MYO7B: variants seen among roughly 807,000 people sequenced by gnomAD.
MYO7B encodes myosin VIIB.
MYO7B carries 212 observed loss-of-function variants against 259.7 expected under a neutral mutation model. The ratio of observed to expected loss-of-function variants is 0.82; its 90% CI spans 0.73 to 0.91. The LOEUF is 0.91. MYO7B is among the 40% of genes least tolerant of loss of function. The pLI, the probability that MYO7B is intolerant of heterozygous loss-of-function variation, is 0.00. For synonymous variants in MYO7B, 1,197 were observed against 1,166.4 expected, an observed-to-expected ratio of 1.03 and a Z score of -0.54; for missense variants, 2,732 against 2,813.5, an observed-to-expected ratio of 0.97 and a Z score of 0.66.
rs1215851613 is a variant in MYO7B at position 127,581,887 on chromosome 2, C to T, written c.1081-4C>T. 33 of 1,613,628 alleles carry T rather than the reference C, an allele frequency of 2.0e-5. No individual in the cohort carries two copies. Among genetic ancestry groups the T allele is most frequent in the Non-Finnish European group, 2.7e-5 (32 of 1,179,822 alleles). On this transcript the variant is annotated splice_region_variant and splice_polypyrimidine_tract_variant and intron_variant, in intron 10 of 47. Coordinates refer to ENST00000409816, the MANE Select transcript of MYO7B (RefSeq NM_001393586.1). ...TGCGACGCAGCCCCCACCTGCCTCC[C>T]CAGGTGCAGCACCAGGAGCTCCGGG... is the stretch of plus-strand genomic sequence containing the variant.
chr2:127,606,677 C>T (rs1190868695), intron 20 of MYO7B, among the ~76,000 whole-genome samples: 2 of 152,204 alleles, frequency 1.3e-5, no homozygotes, highest in African/African-American at 4.8e-5. Context: ...TTAAGCCAAC[C>T]CGTTGGGCAG....
Position 127,582,558 on chromosome 2 carries a change from G to T in MYO7B, c.1343+112G>T, listed in dbSNP as rs1199210447. On this transcript the variant is annotated intron_variant, in intron 12 of 47. Coordinates refer to ENST00000409816, the MANE Select transcript of MYO7B (RefSeq NM_001393586.1). ...CCGTCACCCTGCACCCAGGCCTGGC[G>T]AGTCCCACCAGATCCGTGTGCTCTG... is the stretch of plus-strand genomic sequence containing the variant. 2.3e-6 allele frequency: 3 copies of T among 1,294,522 alleles called. 1 individual carries two copies. The East Asian group carries it at 7.6e-5, about 33-fold the overall frequency. The allele number at this position is 1,294,522 out of a possible 1,614,324, so 80.2% of individuals were successfully genotyped here.
chr2:127,616,882 T>C (rs1680589360), intron 26 of MYO7B, among the ~76,000 whole-genome samples: 1 of 152,212 alleles, frequency 6.6e-6, no homozygotes, highest in South Asian at 2.1e-4. Context: ...ATTTCCTTTA[T>C]TGCAATGAGG....
chr2:127,627,195 C>G lies in MYO7B; in HGVS notation c.4345C>G (p.Pro1449Ala), dbSNP rs1467154310. Reference protein sequence around the residue: ...EVITLSGPRLPKTQLILAVNW... With the variant: ...EVITLSGPRLAKTQLILAVNW... Reference sequence around the variant, plus strand: ...TCTCTCCTGGCCAGGCCCCCGCCTGCCCAAGACGCAGCTGATCTTGGCTGT... The same window carrying G: ...TCTCTCCTGGCCAGGCCCCCGCCTGGCCAAGACGCAGCTGATCTTGGCTGT... Residue 1449 changes from proline (P) to alanine (A), a missense_variant, in exon 33 of 48, where the codon CCC becomes GCC. Coordinates refer to ENST00000409816, the MANE Select transcript of MYO7B (RefSeq NM_001393586.1). The surrounding 1 kb of genome is among the most constrained non-coding windows in gnomAD (Gnocchi z 5.6). The G allele has an allele frequency of 6.2e-7, 1 of 1,609,372 alleles. No individual in the cohort carries two copies. Among genetic ancestry groups the G allele is most frequent in the East Asian group, 2.2e-5 (1 of 44,758 alleles).
intron 19 of MYO7B, among the ~76,000 whole-genome samples, 189 bp downstream of exon 19, chr2:127,596,745 A>G (rs779130660): frequency 2.6e-5 from 4 of 152,250 alleles, no homozygotes; most frequent in Non-Finnish European, 5.9e-5. Flanking sequence ...ACATTATTGG[A>G]ATGTTTGGAA....
chr2:127,634,454 C>A, intron 41 of MYO7B, 142 bp from the exon 42 acceptor site: 1 of 878,208 alleles, frequency 1.1e-6, no homozygotes, highest in Non-Finnish European at 1.8e-6. Context: ...GCAGAGCCAG[C>A]TCCACACGCC....
chr2:127,616,533 G>A (rs13386845), intron 26 of MYO7B, among the ~76,000 whole-genome samples: 23,487 of 152,168 alleles, frequency 0.15, 1,914 homozygotes, highest in Middle Eastern at 0.24. Context: ...CAACTCCTGG[G>A]GTTACAATAA....
chr2:127,637,376 A>G lies in MYO7B; in HGVS notation c.6388A>G (p.Lys2130Glu). 1.3e-6 allele frequency: 2 copies of G among 1,583,674 alleles called. No homozygotes were observed. The highest frequency in any genetic ancestry group is 1.7e-6 in the Non-Finnish European group (2 of 1,164,682). The change falls in exon 48 of 48, where the codon AAG becomes GAG. Residue 2130 changes from lysine (K) to glutamate (E), a missense_variant. Physicochemically the swap from Lys to Glu is moderately conservative, Grantham distance 56. Coordinates refer to ENST00000409816, the MANE Select transcript of MYO7B (RefSeq NM_001393586.1). Reference protein sequence around the residue: ...YVQQLLSAMNKQRGSKAPALA... With the variant: ...YVQQLLSAMNEQRGSKAPALA... ...GCAGCAGCTCCTGAGTGCCATGAAC[A>G]AGCAGCGGGGCTCCAAGGCCCCAGC...
intron 31 of MYO7B, chr2:127,626,750 G>A: frequency 2.1e-6 from 1 of 475,460 alleles, no homozygotes; most frequent in Admixed American, 3.7e-5. Flanking sequence ...CTGCACTCCA[G>A]CCTGGGTGAC....
chr2:127,599,698 C>T (rs1472947550), intron 19 of MYO7B, among the ~76,000 whole-genome samples: 1 of 152,124 alleles, frequency 6.6e-6, no homozygotes, highest in Non-Finnish European at 1.5e-5. Context: ...TCCAATATTC[C>T]TAGTTTTCTG....
rs752218389 is a variant in MYO7B at position 127,584,825 on chromosome 2, C to A, written c.1602C>A (p.Asn534Lys). Residue 534 changes from asparagine (N) to lysine (K), a missense_variant, in exon 14 of 48, where the codon AAC (asparagine) becomes AAA (lysine). Asn to Lys is a moderately conservative substitution (Grantham distance 94). Transcript: ENST00000409816. This position sits in a 1 kb window ranked among gnomAD's most constrained non-coding sequence, Gnocchi z 5.8. The part of the protein sequence containing the change: ...MLQKLNSVHA[N>K]NKAFLQPKNI... ...AAAAGCTGAACAGCGTCCATGCCAACAACAAGGCCTTCCTACAGCCCAAGA... is the reference window on the plus strand; with the variant it reads ...AAAAGCTGAACAGCGTCCATGCCAAAAACAAGGCCTTCCTACAGCCCAAGA... 4 of 1,613,982 alleles carry A rather than the reference C, an allele frequency of 2.5e-6. No homozygotes were observed. The South Asian group carries it at 3.3e-5, about 13-fold the overall frequency.
chr2:127,569,985 G>T, intron 6 of MYO7B, 75 bp downstream of exon 6: 1 of 1,500,574 alleles, frequency 6.7e-7, no homozygotes, highest in Non-Finnish European at 9.0e-7. Context: ...ACCATGGGGA[G>T]GGACAGGATA....
At position 127,577,349 on chromosome 2, in the gene MYO7B, C is replaced by T. The variant is rs1268903179; in HGVS notation, c.849+641C>T. Among the ~76,000 whole-genome samples the T allele has an allele frequency of 1.3e-5, 2 of 152,194 alleles. No homozygotes were observed. The highest frequency in any genetic ancestry group is 2.4e-5 in the African/African-American group (1 of 41,460). On this transcript the variant is annotated intron_variant, in intron 8 of 47. Transcript: ENST00000409816. This position sits in a 1 kb window ranked among gnomAD's most constrained non-coding sequence, Gnocchi z 5.2. Reference sequence around the variant, plus strand: ...ATGGGTCCCCCATCGCCAGTCTTGACCTCTAATCTGTCATCTACCCTGCAG... The same window carrying T: ...ATGGGTCCCCCATCGCCAGTCTTGATCTCTAATCTGTCATCTACCCTGCAG...
chr2:127,552,283 T>C (rs561584335), intron 1 of MYO7B, among the ~76,000 whole-genome samples: 17 of 152,312 alleles, frequency 1.1e-4, no homozygotes, highest in African/African-American at 4.1e-4. Context: ...CTGACCACTT[T>C]CGTTCCAAAA....
rs372164382 is a variant in MYO7B, at chr2:127,614,826, C to A, written c.3398+2223C>A. Among the ~76,000 whole-genome samples, 203 of 152,328 alleles carry A rather than the reference C, an allele frequency of 1.3e-3. 3 individuals are homozygous for A. Among genetic ancestry groups the A allele is most frequent in the African/African-American group, 4.6e-3 (192 of 41,576 alleles). On this transcript the variant is annotated intron_variant, in intron 26 of 47. Coordinates refer to ENST00000409816, the MANE Select transcript of MYO7B (RefSeq NM_001393586.1). This position sits in a 1 kb window ranked among gnomAD's most constrained non-coding sequence, Gnocchi z 4.6. Reference sequence around the variant, plus strand: ...GGCTGGAGGTGGCTTGGTGGCTGCACTAGTTCTGCCACCTTTTAGTAAATC... The same window carrying A: ...GGCTGGAGGTGGCTTGGTGGCTGCAATAGTTCTGCCACCTTTTAGTAAATC...
rs550588086 is a variant in MYO7B at position 127,578,793 on chromosome 2, T to C, written c.1003+507T>C. ...AAGAAATAGGAACAAGGAAATGAGA[T>C]ACCATGAACAAGAACCGGCAGAAAT... On this transcript the variant is annotated intron_variant, in intron 9 of 47. Transcript: ENST00000409816. Among the ~76,000 whole-genome samples the C allele has an allele frequency of 9.2e-4, 140 of 152,198 alleles. 4 individuals are homozygous for C. The South Asian group carries it at 0.026, about 29-fold the overall frequency.
intron 2 of MYO7B, among the ~76,000 whole-genome samples, chr2:127,563,586 C>G (rs1450801613): frequency 1.3e-5 from 2 of 152,206 alleles, no homozygotes; most frequent in Admixed American, 1.3e-4. Context: ...ACCTTGTGCC[C>G]TTGCTCCTAC....
intron 37 of MYO7B, 87 bp downstream of exon 37, chr2:127,631,450 GGCAGGAGA>G: frequency 6.4e-7 from 1 of 1,551,808 alleles, no homozygotes; most frequent in Non-Finnish European, 8.7e-7. Context: ...TGTGCTCTAG[GGCAGGAGA>G]GCCCAGGAGA....
At chr2:127,579,867 C>G (rs994501282) in intron 9 of MYO7B, among the ~76,000 whole-genome samples, 1 of 152,152 alleles carries the variant, frequency 6.6e-6, no homozygotes, top group Admixed American at 6.5e-5. Context: ...ATTACAGACA[C>G]AAGCCACTGC....
Sources: gnomAD v4.1 joint callset for allele counts (sites outside exome capture counted in the v4.1 genomes callset) on GRCh38, gnomAD v4.1.1 for gene constraint, Gnocchi (gnomAD v3.1) non-coding constraint, MANE v1.5 for transcripts, NCBI Gene and HGNC (gene_info 2026-07-23, HGNC 2026-07-21) for gene names.